MAF: variants seen among roughly 807,000 people sequenced by gnomAD.
MAF encodes transcription factor Maf.
MAF carries 10 observed loss-of-function variants against 22.0 expected under a neutral mutation model. That is an observed-to-expected ratio of 0.45 (90% confidence interval 0.28 to 0.77). MAF has a LOEUF of 0.77. Among genes scored for constraint, MAF ranks in the 30% least tolerant of loss-of-function variants. The probability of loss-of-function intolerance (pLI) is 0.12; values close to 1 mark genes in which losing one functional copy is unlikely to be tolerated. For missense variants in MAF, 544 were observed against 548.4 expected, an observed-to-expected ratio of 0.99 and a Z score of 0.08; for synonymous variants, 337 against 255.8, an observed-to-expected ratio of 1.32 and a Z score of -3.03.
At chr16:79,260,055 G>T in the MAF span, among the ~76,000 whole-genome samples, 1 of 152,216 alleles carries the variant, frequency 6.6e-6, no homozygotes, top group Non-Finnish European at 1.5e-5. Context: ...AAATAAGGCA[G>T]AAGCTGACTG....
In MAF at chr16:79,600,044, C is replaced by G. The variant is rs1173992782; in HGVS notation, c.-142G>C. The G allele has an allele frequency of 8.5e-7, 1 of 1,182,452 alleles. No homozygotes were observed. Among genetic ancestry groups the G allele is most frequent in the East Asian group, 2.5e-5 (1 of 39,260 alleles). The allele number at this position is 1,182,452 out of a possible 1,614,324, so 73.2% of individuals were successfully genotyped here. A position where few individuals can be genotyped will look rare whatever the true frequency, so the allele number is the denominator to read the frequency against. ...CTAGCTTGCGCGGCGGTGGCTGGCC[C>G]GAAACCTCCGAGCGCGCTCACACAC... On this transcript the variant is annotated 5_prime_UTR_variant, in exon 1 of 2. Transcript: ENST00000326043.
the MAF span, among the ~76,000 whole-genome samples, chr16:79,497,669 G>C: frequency 4.6e-5 from 7 of 152,172 alleles, no homozygotes; most frequent in Non-Finnish European, 4.4e-5. Context: ...GTCATGCTTT[G>C]AACCCCAGCA....
the MAF span, among the ~76,000 whole-genome samples, chr16:79,303,769 G>T: frequency 6.6e-6 from 1 of 152,130 alleles, no homozygotes; most frequent in Admixed American, 6.5e-5. Context: ...GCTGCCACAA[G>T]CCAATGTTTA....
chr16:79,595,441 C>G (rs1018688659), intron 1 of MAF: 33 of 1,056,726 alleles, frequency 3.1e-5, no homozygotes, highest in African/African-American at 2.6e-4. Flanking sequence ...CGGCAGAAAA[C>G]AAAACAAAAG....
chr16:79,493,649 T>C, the MAF span, among the ~76,000 whole-genome samples: 1 of 152,264 alleles, frequency 6.6e-6, no homozygotes, highest in African/African-American at 2.4e-5. Flanking sequence ...TGAAAATCCA[T>C]TGACCTGTGG....
chr16:79,258,882 G>A, the MAF span, among the ~76,000 whole-genome samples: 1 of 152,130 alleles, frequency 6.6e-6, no homozygotes, highest in Non-Finnish European at 1.5e-5. Flanking sequence ...ACTGCCCACT[G>A]CTGTGCGACT....
the MAF span, among the ~76,000 whole-genome samples, chr16:79,303,836 T>A: frequency 4.6e-5 from 7 of 152,144 alleles, no homozygotes; most frequent in African/African-American, 1.4e-4. Context: ...CACTTCATGT[T>A]TAGGATCTAT....
the MAF span, among the ~76,000 whole-genome samples, chr16:79,267,140 A>G: frequency 0.19 from 29,240 of 152,174 alleles, 3,030 homozygotes; most frequent in African/African-American, 0.23. Flanking sequence ...GAAGCCTAGA[A>G]CAACAAAGTT....
the MAF span, among the ~76,000 whole-genome samples, chr16:79,272,473 G>T: frequency 1.6e-3 from 245 of 152,290 alleles, no homozygotes; most frequent in Middle Eastern, 0.01. Flanking sequence ...GGAGGGGGAG[G>T]TGGGAGCTTT....
the MAF span, among the ~76,000 whole-genome samples, chr16:79,374,246 A>G: frequency 6.6e-6 from 1 of 152,156 alleles, no homozygotes; most frequent in Non-Finnish European, 1.5e-5. Context: ...CTGCATAACC[A>G]GTTGGAATTA....
the MAF span, among the ~76,000 whole-genome samples, chr16:79,546,134 A>G: frequency 6.6e-6 from 1 of 152,152 alleles, no homozygotes; most frequent in African/African-American, 2.4e-5. Flanking sequence ...TCAAAAGGTT[A>G]AAGAGATGGG....
At chr16:79,426,778 A>T in the MAF span, among the ~76,000 whole-genome samples, 1 of 152,354 alleles carries the variant, frequency 6.6e-6, no homozygotes, top group East Asian at 1.9e-4. Context: ...GGTTTAGACA[A>T]AGGGTGGTTT....
the MAF span, among the ~76,000 whole-genome samples, chr16:79,493,382 A>G: frequency 6.6e-6 from 1 of 152,188 alleles, no homozygotes; most frequent in Non-Finnish European, 1.5e-5. Context: ...GGGTTTCACT[A>G]TCTTGGCCAG....
the MAF span, among the ~76,000 whole-genome samples, chr16:79,512,104 C>G: frequency 6.6e-6 from 1 of 152,182 alleles, no homozygotes; most frequent in Non-Finnish European, 1.5e-5. Flanking sequence ...CCTGTAGAGA[C>G]AGCCTGCTTC....
the MAF span, among the ~76,000 whole-genome samples, chr16:79,383,085 C>T: frequency 6.6e-6 from 1 of 152,116 alleles, no homozygotes; most frequent in Non-Finnish European, 1.5e-5. Flanking sequence ...ATATCATTTG[C>T]ATGGTATACT....
At chr16:79,503,208 GT>G in the MAF span, among the ~76,000 whole-genome samples, 1 of 152,016 alleles carries the variant, frequency 6.6e-6, no homozygotes, top group Non-Finnish European at 1.5e-5. Flanking sequence ...GTTTCTCTTT[GT>G]TCAACAACCA....
At chr16:79,216,876 C>A in the MAF span, among the ~76,000 whole-genome samples, 1 of 150,638 alleles carries the variant, frequency 6.6e-6, no homozygotes, top group African/African-American at 2.5e-5. Flanking sequence ...GCGGCACGAT[C>A]TTTGCTCACT....
At chr16:79,411,886 C>T in the MAF span, among the ~76,000 whole-genome samples, 1 of 152,070 alleles carries the variant, frequency 6.6e-6, no homozygotes, top group Non-Finnish European at 1.5e-5. Context: ...TTCCTCTGCA[C>T]CCTTTAAAAA....
At chr16:79,402,282 G>T in the MAF span, among the ~76,000 whole-genome samples, 1 of 152,114 alleles carries the variant, frequency 6.6e-6, no homozygotes, top group Non-Finnish European at 1.5e-5. Flanking sequence ...AGAAACAATG[G>T]GTAAAAAAGG....
Sources: allele counts gnomAD v4.1 joint callset (sites outside exome capture counted in the v4.1 genomes callset), GRCh38; gene constraint gnomAD v4.1.1; transcripts MANE v1.5; gene names NCBI Gene and HGNC (gene_info 2026-07-23, HGNC 2026-07-21).